SALL4: variants seen among roughly 807,000 people sequenced by gnomAD.
SALL4 encodes spalt like transcription factor 4.
Under a neutral mutation model 60.8 loss-of-function variants are expected in SALL4, and 4 were observed. That is an observed-to-expected ratio of 0.07 (90% CI 0.03 to 0.15). The LOEUF (loss-of-function observed/expected upper bound fraction) is 0.15. SALL4 is among the 10% of genes least tolerant of loss of function. The pLI is 1.00. For synonymous variants in SALL4, 580 were observed against 574.9 expected, an observed-to-expected ratio of 1.01 and a Z score of -0.13; for missense variants, 1,178 against 1,394.7, an observed-to-expected ratio of 0.84 and a Z score of 2.48.
intron 3 of SALL4, 80 bp from the exon 4 acceptor site, chr20:51,784,764 G>A (rs1394275047): frequency 1.9e-5 from 28 of 1,492,464 alleles, no homozygotes; most frequent in South Asian, 1.1e-5. Context: ...ATCTGCATAT[G>A]GATTTCATTC....
At position 51,788,459 on chromosome 20, in the gene SALL4, G is replaced by A. The variant is rs2078008450; in HGVS notation, c.2742+402C>T. Among the ~76,000 whole-genome samples the A allele has an allele frequency of 6.6e-6, 1 of 152,064 alleles. No individual in the cohort carries two copies. The highest frequency in any genetic ancestry group is 1.5e-5 in the Non-Finnish European group (1 of 68,010). On this transcript the variant is annotated intron_variant, in intron 3 of 3. Transcript: ENST00000217086. The surrounding 1 kb of genome is among the most constrained non-coding windows in gnomAD (Gnocchi z 4.1). The stretch of plus-strand genomic sequence containing the variant: ...TAATCCCAGCACTTTGGGAGGCCGA[G>A]GCAGGCGGATCACGAGATCAGGAGA...
At chr20:51,785,379 G>A (rs777916422) in intron 3 of SALL4, among the ~76,000 whole-genome samples, 3 of 152,216 alleles carry the variant, frequency 2.0e-5, no homozygotes, top group Non-Finnish European at 4.4e-5. Context: ...CAGAATGGTT[G>A]TATGGGTGCT....
chr20:51,794,140 C>T (rs1390273095), intron 1 of SALL4, among the ~76,000 whole-genome samples: 3 of 152,248 alleles, frequency 2.0e-5, no homozygotes, highest in Non-Finnish European at 2.9e-5. Context: ...TAATGCCTCT[C>T]GTTCCACAAT....
intron 1 of SALL4, among the ~76,000 whole-genome samples, chr20:51,796,764 G>T (rs1447142319): frequency 6.6e-6 from 1 of 152,102 alleles, no homozygotes; most frequent in Non-Finnish European, 1.5e-5. Context: ...TTCTAGAGCG[G>T]AGTTTCTCCC....
intron 1 of SALL4, among the ~76,000 whole-genome samples, chr20:51,798,801 C>A (rs971380382): frequency 3.3e-5 from 5 of 151,966 alleles, no homozygotes; most frequent in Admixed American, 6.6e-5. Context: ...AAGAACATCT[C>A]ATCACATCAC....
Position 51,801,844 on chromosome 20 carries a change from G to C in SALL4, c.130+435C>G, listed in dbSNP as rs777403481. Among the ~76,000 whole-genome samples the C allele has an allele frequency of 6.6e-6, 1 of 151,672 alleles. No individual in the cohort carries two copies. Among genetic ancestry groups the C allele is most frequent in the African/African-American group, 2.4e-5 (1 of 41,284 alleles). On this transcript the variant is annotated intron_variant, in intron 1 of 3. Transcript: ENST00000217086. This position sits in a 1 kb window ranked among gnomAD's most constrained non-coding sequence, Gnocchi z 5.2. ...CAGCCTCCAAGAAAAGCCCCAAGGG[G>C]CTGGTGGAGAGGGTGGGGATCCCCC...
At chr20:51,799,032 A>G (rs2078095387) in intron 1 of SALL4, among the ~76,000 whole-genome samples, 1 of 152,210 alleles carries the variant, frequency 6.6e-6, no homozygotes, top group South Asian at 2.1e-4. Flanking sequence ...AATATCTTGA[A>G]TTAAAGATAG....
chr20:51,792,317 C>T lies in SALL4; in HGVS notation c.166G>A (p.Ala56Thr). Residue 56 changes from alanine (A) to threonine (T), a missense_variant, in exon 2 of 4, where the codon GCG becomes ACG. By Grantham distance (58) the Ala-to-Thr change is moderately conservative. Coordinates refer to ENST00000217086, the MANE Select transcript of SALL4 (RefSeq NM_020436.5). ...PVNHPGNDEV[A>T]SEDEATVKRL... ...TTTACTGTGGCTTCATCCTCACTCG[C>T]CACCTCGTCATTCCCTGGGTGGTTC... is the stretch of plus-strand genomic sequence containing the variant. 6.2e-7 allele frequency: 1 copy of T among 1,606,716 alleles called. No individual in the cohort carries two copies. Among genetic ancestry groups the T allele is most frequent in the Non-Finnish European group, 8.5e-7 (1 of 1,179,988 alleles).
intron 1 of SALL4, among the ~76,000 whole-genome samples, chr20:51,797,158 A>C (rs992932488): frequency 6.6e-6 from 1 of 151,946 alleles, no homozygotes; most frequent in African/African-American, 2.4e-5. Flanking sequence ...AGATATTTTC[A>C]TATAGTGTTA....
intron 1 of SALL4, among the ~76,000 whole-genome samples, chr20:51,795,987 G>C (rs1467224096): frequency 6.6e-6 from 1 of 152,060 alleles, no homozygotes; most frequent in Non-Finnish European, 1.5e-5. Context: ...CTGGGTTCAG[G>C]AGTTTGAGAC....
At position 51,801,970 on chromosome 20, in the gene SALL4, A is replaced by T. The variant is rs1213964366; in HGVS notation, c.130+309T>A. Among the ~76,000 whole-genome samples, 1 of 151,740 alleles carries T rather than the reference A, an allele frequency of 6.6e-6. No homozygotes were observed. Among genetic ancestry groups the T allele is most frequent in the Non-Finnish European group, 1.5e-5 (1 of 67,918 alleles). On this transcript the variant is annotated intron_variant, in intron 1 of 3. Coordinates refer to ENST00000217086, the MANE Select transcript of SALL4 (RefSeq NM_020436.5). This position sits in a 1 kb window ranked among gnomAD's most constrained non-coding sequence, Gnocchi z 5.2. ...GAGTGGAACCAATTAAGTGAGGGGC[A>T]GAGGACAAGGAGAAGGGAACCTTTC... is the stretch of plus-strand genomic sequence containing the variant.
rs1318161786 is a variant in SALL4 at position 51,788,829 on chromosome 20, C to T, written c.2742+32G>A. ...AATAAGAAGACACCTGGTGCCTAGC[C>T]CCCATCCTGCTGAAAGCCCACACAA... On this transcript the variant is annotated intron_variant, in intron 3 of 3. Transcript: ENST00000217086. The surrounding 1 kb of genome is among the most constrained non-coding windows in gnomAD (Gnocchi z 4.1). 1 of 1,612,190 alleles carries T rather than the reference C, an allele frequency of 6.2e-7. No individual in the cohort carries two copies. Among genetic ancestry groups the T allele is most frequent in the South Asian group, 1.1e-5 (1 of 91,064 alleles).
rs886193279 is a variant in SALL4 at position 51,788,674 on chromosome 20, G to C, written c.2742+187C>G. 6.6e-6 allele frequency among the ~76,000 whole-genome samples: 1 copy of C among 152,014 alleles called. No individual in the cohort carries two copies. Among genetic ancestry groups the C allele is most frequent in the Non-Finnish European group, 1.5e-5 (1 of 68,016 alleles). ...GATGGCGCCACTGCACTCCAGTCTGGGCGACAGAGTGAGACTCCGTCTCAA... is the reference window on the plus strand; with the variant it reads ...GATGGCGCCACTGCACTCCAGTCTGCGCGACAGAGTGAGACTCCGTCTCAA... On this transcript the variant is annotated intron_variant, in intron 3 of 3. Coordinates refer to ENST00000217086, the MANE Select transcript of SALL4 (RefSeq NM_020436.5). The surrounding 1 kb of genome is among the most constrained non-coding windows in gnomAD (Gnocchi z 4.1).
rs1220344110 is a variant in SALL4, at chr20:51,801,056, G to A, written c.130+1223C>T. ...TTGCCGCGCACACCCGTCTGCTGCA[G>A]GGAAATTAGAAAGCAGGCGGGGAGC... is the stretch of plus-strand genomic sequence containing the variant. On this transcript the variant is annotated intron_variant, in intron 1 of 3. Transcript: ENST00000217086. The surrounding 1 kb of genome is among the most constrained non-coding windows in gnomAD (Gnocchi z 5.2). Among the ~76,000 whole-genome samples the A allele has an allele frequency of 2.0e-5, 3 of 152,054 alleles. No homozygotes were observed. The highest frequency in any genetic ancestry group is 4.4e-5 in the Non-Finnish European group (3 of 68,002).
Position 51,791,423 on chromosome 20 carries a change from C to G in SALL4, c.1060G>C (p.Asp354His). The G allele has an allele frequency of 1.2e-6, 2 of 1,614,198 alleles. No individual in the cohort carries two copies. The highest frequency in any genetic ancestry group is 1.1e-5 in the South Asian group (1 of 91,078). The change falls in exon 2 of 4, where the codon GAC (aspartate) becomes CAC (histidine). Residue 354 changes from aspartate (D) to histidine (H), a missense_variant. Asp to His is a moderately conservative substitution (Grantham distance 81). This residue lies in a region of SALL4 where 853 missense variants were observed against 1,036.8 expected (regional missense o/e 0.82). Coordinates refer to ENST00000217086, the MANE Select transcript of SALL4 (RefSeq NM_020436.5). The surrounding 1 kb of genome is among the most constrained non-coding windows in gnomAD (Gnocchi z 4.6). ...TTCCCCTTCCCTTTCTTGGATGTGTCTAGCGCCACAGTGGAGAAAGGGCTC... is the reference window on the plus strand; with the variant it reads ...TTCCCCTTCCCTTTCTTGGATGTGTGTAGCGCCACAGTGGAGAAAGGGCTC... ...FQSPFSTVAL[D>H]TSKKGKGKPP...
At chr20:51,789,941 C>A in intron 2 of SALL4, 81 bp downstream of exon 2, 1 of 1,568,404 alleles carries the variant, frequency 6.4e-7, no homozygotes. Context: ...TCATACTCTC[C>A]GTTTGTAAAG....
At chr20:51,789,335 G>C (rs914217062) in intron 2 of SALL4, among the ~76,000 whole-genome samples, 194 bp from the exon 3 acceptor site, 2 of 151,554 alleles carry the variant, frequency 1.3e-5, no homozygotes, top group African/African-American at 2.4e-5. Context: ...TTGGGAAAAG[G>C]TATCACTTTG....
In SALL4 at chr20:51,800,761, G is replaced by A. The variant is rs1199225371; in HGVS notation, c.130+1518C>T. 5.1e-5 allele frequency among the ~76,000 whole-genome samples: 6 copies of A among 117,324 alleles called. No individual in the cohort carries two copies. In the Admixed American group the frequency reaches 7.0e-4, roughly 14 times the overall value. The allele number at this position is 117,324 out of a possible 152,430, so 77.0% of individuals were successfully genotyped here. A position where few individuals can be genotyped will look rare whatever the true frequency, so the allele number is the denominator to read the frequency against. ...CCCGCCCCCAACCAAGGCACAAAGAGAGTCCCTCCAGGCGCCTGGGACCTC... is the reference window on the plus strand; with the variant it reads ...CCCGCCCCCAACCAAGGCACAAAGAAAGTCCCTCCAGGCGCCTGGGACCTC... On this transcript the variant is annotated intron_variant, in intron 1 of 3. Transcript: ENST00000217086.
chr20:51,791,427 C>A lies in SALL4; in HGVS notation c.1056G>T (p.Ala352=), dbSNP rs13038893. ...VLFQSPFSTV[A]LDTSKKGKGK... is the part of the protein sequence containing the mutation. ...CCTTCCCTTTCTTGGATGTGTCTAG[C>A]GCCACAGTGGAGAAAGGGCTCTGGA... is the stretch of plus-strand genomic sequence containing the variant. Residue 352 remains alanine, a synonymous_variant, in exon 2 of 4, where the codon GCG becomes GCT. Transcript: ENST00000217086. The surrounding 1 kb of genome is among the most constrained non-coding windows in gnomAD (Gnocchi z 4.6). The A allele has an allele frequency of 6.2e-7, 1 of 1,613,854 alleles. No homozygotes were observed. The highest frequency in any genetic ancestry group is 8.5e-7 in the Non-Finnish European group (1 of 1,179,940).
Sources: gnomAD v4.1 joint callset for allele counts (sites outside exome capture counted in the v4.1 genomes callset) on GRCh38, gnomAD v4.1.1 for gene constraint, gnomAD v4.1.1 regional missense constraint, Gnocchi (gnomAD v3.1) non-coding constraint, MANE v1.5 for transcripts, NCBI Gene and HGNC (gene_info 2026-07-23, HGNC 2026-07-21) for gene names.